PDZD2: variants seen among roughly 807,000 people sequenced by gnomAD.
The protein encoded by PDZD2 is PDZ domain-containing protein 2.
In PDZD2, 90 loss-of-function variants were observed where a neutral mutation model predicts 220.7. The ratio of observed to expected loss-of-function variants is 0.41; its 90% CI spans 0.34 to 0.49. The LOEUF is 0.49. PDZD2 is among the 20% of genes least tolerant of loss of function. PDZD2 has a pLI of 0.28. For synonymous variants in PDZD2, 1,375 were observed against 1,450.5 expected (o/e 0.95, Z 1.18); for missense variants, 3,174 against 3,608.5 (o/e 0.88, Z 3.08).
At chr5:31,739,345 C>G (rs1316370806) in intron 1 of PDZD2, among the ~76,000 whole-genome samples, 1 of 151,912 alleles carries the variant, frequency 6.6e-6, no homozygotes, top group Non-Finnish European at 1.5e-5. Flanking sequence ...ATTTTTTATT[C>G]ATCAGAGCAT....
rs1347073364 is a variant in PDZD2 at position 32,107,990 on chromosome 5, G to C, written c.8375G>C (p.Gly2792Ala). ...VYKGGAAEQAGIIEAGDEILA... is the reference protein window; with the variant it reads ...VYKGGAAEQAAIIEAGDEILA... ...GTAGGTGGTGCGGCTGAACAAGCTG[G>C]AATAATAGAAGCTGGAGATGAAATT... Residue 2792 changes from glycine to alanine, a missense_variant, in exon 25 of 25, where the codon GGA (glycine) becomes GCA (alanine). Transcript: ENST00000438447. 2 of 1,613,330 alleles carry C rather than the reference G, an allele frequency of 1.2e-6. No homozygotes were observed. The highest frequency in any genetic ancestry group is 2.2e-5 in the East Asian group (1 of 44,870).
At chr5:32,036,969 G>A (rs78480772) in intron 6 of PDZD2, among the ~76,000 whole-genome samples, 7,229 of 152,310 alleles carry the variant, frequency 0.047, 257 homozygotes, top group Non-Finnish European at 0.074. Flanking sequence ...TCCATGCTGC[G>A]CAGTGAGACG....
intron 14 of PDZD2, among the ~76,000 whole-genome samples, chr5:32,061,631 G>A (rs779042190): frequency 6.6e-6 from 1 of 152,096 alleles, no homozygotes; most frequent in Non-Finnish European, 1.5e-5. Context: ...AAGAAATGAG[G>A]GCCAGGCTTG....
intron 1 of PDZD2, among the ~76,000 whole-genome samples, chr5:31,737,727 A>C (rs924687901): frequency 2.6e-5 from 4 of 152,064 alleles, no homozygotes; most frequent in Non-Finnish European, 5.9e-5. Context: ...GAGGCTGGAG[A>C]GCAGTAGTAT....
intron 20 of PDZD2, among the ~76,000 whole-genome samples, chr5:32,092,706 C>G (rs1343964808): frequency 6.6e-6 from 1 of 152,184 alleles, no homozygotes; most frequent in African/African-American, 2.4e-5. Flanking sequence ...TTCCCCTTGC[C>G]ATTGGCAGTG....
chr5:32,074,380 C>T lies in PDZD2; in HGVS notation c.3274C>T (p.Arg1092Cys), dbSNP rs370467169. Residue 1092 changes from arginine (R) to cysteine (C), a missense_variant, in exon 18 of 25, where the codon CGT becomes TGT. Transcript: ENST00000438447. ...SSAPKLEYTV[R>C]TDTQSPTNTG... Reference sequence around the variant, plus strand: ...CGCACCCAAATTGGAATACACAGTCCGTACAGACACCCAGAGTCCGACGAA... The same window carrying T: ...CGCACCCAAATTGGAATACACAGTCTGTACAGACACCCAGAGTCCGACGAA... 1.7e-5 allele frequency: 27 copies of T among 1,614,044 alleles called. No individual in the cohort carries two copies. Among genetic ancestry groups the T allele is most frequent in the Middle Eastern group, 1.6e-4 (1 of 6,084 alleles).
chr5:31,856,537 T>C (rs1307725854), intron 2 of PDZD2, among the ~76,000 whole-genome samples: 2 of 152,120 alleles, frequency 1.3e-5, no homozygotes, highest in Non-Finnish European at 2.9e-5. Context: ...CTCCCTCTTA[T>C]CTAGAGTGAA....
chr5:31,823,924 C>G (rs1038908988), intron 2 of PDZD2, among the ~76,000 whole-genome samples: 2 of 152,102 alleles, frequency 1.3e-5, no homozygotes, highest in African/African-American at 4.8e-5. Flanking sequence ...GGGGCTTGCA[C>G]TAGGATAGTA....
intron 20 of PDZD2, 85 bp downstream of exon 20, chr5:32,091,260 A>G: frequency 2.1e-6 from 2 of 954,808 alleles, no homozygotes; most frequent in Admixed American, 3.1e-5. Context: ...TTGCAAAGAT[A>G]ATGCAGAGTT....
intron 2 of PDZD2, chr5:31,843,657 T>G (rs1757441780): frequency 6.6e-6 from 1 of 152,282 alleles, no homozygotes; most frequent in Non-Finnish European, 1.5e-5. Flanking sequence ...GCTACCCTGA[T>G]TCCGAGTCTC....
intron 1 of PDZD2, among the ~76,000 whole-genome samples, chr5:31,741,407 C>T (rs12517001): frequency 2.7e-5 from 4 of 150,282 alleles, no homozygotes; most frequent in East Asian, 2.0e-4. Flanking sequence ...TTTTTTTAGA[C>T]GTTTGTTACT....
intron 2 of PDZD2, among the ~76,000 whole-genome samples, chr5:31,924,541 A>T (rs1744572924): frequency 6.6e-6 from 1 of 152,102 alleles, no homozygotes; most frequent in East Asian, 1.9e-4. Flanking sequence ...CACTGCCTTT[A>T]TCCATCACTT....
rs1168166152 is a variant in PDZD2 at position 32,083,589 on chromosome 5, GA to G, written c.3683-3540del. 6.6e-6 allele frequency: 1 copy of G among 152,180 alleles called. No homozygotes were observed. The highest frequency in any genetic ancestry group is 1.5e-5 in the Non-Finnish European group (1 of 68,044). The allele number at this position is 152,180 out of a possible 1,614,324, so 9.4% of individuals were successfully genotyped here. On this transcript the variant is annotated intron_variant, in intron 19 of 24. Transcript: ENST00000438447. The surrounding 1 kb of genome is among the most constrained non-coding windows in gnomAD (Gnocchi z 4.1). ...CAGTGTAACCTCGTCTCCCTCAGATGAAGACCTTTTAAGTTACAGACTTTGC... is the reference window on the plus strand; with the variant it reads ...CAGTGTAACCTCGTCTCCCTCAGATGAGACCTTTTAAGTTACAGACTTTGC...
intron 2 of PDZD2, among the ~76,000 whole-genome samples, chr5:31,979,025 A>G (rs1750038838): frequency 6.6e-6 from 1 of 152,152 alleles, no homozygotes; most frequent in Non-Finnish European, 1.5e-5. Flanking sequence ...GGCACCTTCC[A>G]AGTTTCTTGG....
intron 2 of PDZD2, among the ~76,000 whole-genome samples, chr5:31,802,734 C>T (rs930791914): frequency 1.3e-5 from 2 of 152,018 alleles, no homozygotes; most frequent in African/African-American, 4.8e-5. Flanking sequence ...TCGTGGCTAA[C>T]ATGGTGAAAC....
At chr5:32,043,464 A>G (rs1014701468) in intron 7 of PDZD2, among the ~76,000 whole-genome samples, 2 of 152,268 alleles carry the variant, frequency 1.3e-5, no homozygotes, top group East Asian at 3.9e-4. Flanking sequence ...AATGAGGGTT[A>G]TGTTCTGTAT....
At chr5:32,019,203 A>G (rs1046771409) in intron 6 of PDZD2, among the ~76,000 whole-genome samples, 1 of 139,340 alleles carries the variant, frequency 7.2e-6, no homozygotes, top group Non-Finnish European at 1.5e-5. Context: ...GTGCAATGGC[A>G]CAATTATGGC....
At chr5:31,745,544 A>G (rs1750547593) in intron 1 of PDZD2, among the ~76,000 whole-genome samples, 1 of 152,146 alleles carries the variant, frequency 6.6e-6, no homozygotes, top group South Asian at 2.1e-4. Flanking sequence ...GTGAAGCCCA[A>G]ATCACCTTCG....
chr5:32,002,751 A>ACACCC (rs1554022475), intron 5 of PDZD2, among the ~76,000 whole-genome samples: 9 of 18,736 alleles, frequency 4.8e-4, no homozygotes, highest in Non-Finnish European at 1.4e-3. Flanking sequence ...ACACCAACAC[A>ACACCC]CACACCCCAC....
Sources: gnomAD v4.1 joint callset for allele counts (sites outside exome capture counted in the v4.1 genomes callset) on GRCh38, gnomAD v4.1.1 for gene constraint, Gnocchi (gnomAD v3.1) non-coding constraint, MANE v1.5 for transcripts, NCBI Gene and HGNC (gene_info 2026-07-23, HGNC 2026-07-21) for gene names.